INO80: variants seen among roughly 807,000 people sequenced by gnomAD.
INO80 encodes chromatin-remodeling ATPase INO80.
A neutral mutation model predicts 203.4 loss-of-function variants in INO80; 20 were observed. The observed-to-expected ratio is 0.10, with a 90% CI of 0.07 to 0.14. The LOEUF (loss-of-function observed/expected upper bound fraction) is 0.14. INO80 is among the 10% of genes least tolerant of loss of function. The probability of loss-of-function intolerance (pLI) is 1.00; values close to 1 mark genes in which losing one functional copy is unlikely to be tolerated. For synonymous variants in INO80, 726 were observed against 685.2 expected, an observed-to-expected ratio of 1.06 and a Z score of -0.93; for missense variants, 1,419 against 1,914.4, an observed-to-expected ratio of 0.74 and a Z score of 4.83.
At chr15:41,088,092 T>TTTC (rs2045587410) in intron 5 of INO80, among the ~76,000 whole-genome samples, 1 of 144,132 alleles carries the variant, frequency 6.9e-6, no homozygotes, top group African/African-American at 2.6e-5. Context: ...CTTTTCTTTT[T>TTTC]TTTTTTTTTT....
At chr15:40,997,138 A>C (rs2043891024) in intron 29 of INO80, among the ~76,000 whole-genome samples, 1 of 152,074 alleles carries the variant, frequency 6.6e-6, no homozygotes, top group Admixed American at 6.5e-5. Context: ...TTAGCTGGGC[A>C]TGGTGGCGCA....
At chr15:40,988,676 T>TAA (rs1461075845) in intron 29 of INO80, among the ~76,000 whole-genome samples, 1 of 152,134 alleles carries the variant, frequency 6.6e-6, no homozygotes, top group Non-Finnish European at 1.5e-5. Context: ...GGTCAGGAGT[T>TAA]AGAGACCAGC....
intron 29 of INO80, among the ~76,000 whole-genome samples, chr15:40,989,875 C>G (rs1441106687): frequency 1.3e-5 from 2 of 152,152 alleles, no homozygotes; most frequent in African/African-American, 2.4e-5. Flanking sequence ...TTGTGTACAC[C>G]TCTTATTGCT....
chr15:41,045,963 G>A (rs1421428221), intron 23 of INO80, among the ~76,000 whole-genome samples: 1 of 151,488 alleles, frequency 6.6e-6, no homozygotes, highest in East Asian at 1.9e-4. Flanking sequence ...TAAATCAAAA[G>A]TAATAAAATC....
At chr15:41,085,031 C>T (rs771503657) in intron 7 of INO80, among the ~76,000 whole-genome samples, 15 of 152,220 alleles carry the variant, frequency 9.9e-5, no homozygotes, top group Non-Finnish European at 1.3e-4. Flanking sequence ...CCTGCCATGC[C>T]TGGCCTCTTT....
At chr15:41,000,706 C>CAAAAAAAAAAAAAAAAAA (rs58232890) in intron 28 of INO80, among the ~76,000 whole-genome samples, 2 of 56,826 alleles carry the variant, frequency 3.5e-5, no homozygotes, top group Non-Finnish European at 7.0e-5. Context: ...CACCCTGTCT[C>CAAAAAAAAAAAAAAAAAA]AAAAAAAAAA....
At chr15:41,097,095 G>A (rs771284087) in intron 1 of INO80, among the ~76,000 whole-genome samples, 2 of 151,992 alleles carry the variant, frequency 1.3e-5, no homozygotes, top group African/African-American at 2.4e-5. Flanking sequence ...TTTCTTGTTT[G>A]TTTTTGTTTT....
rs2045715212 is a variant in INO80, at chr15:41,095,828, C to T, written c.244G>A (p.Gly82Ser). ...VKEEPPNSLL[G>S]ETSGAGSSGM... The stretch of plus-strand genomic sequence containing the variant: ...GAACTGCCTGCTCCAGAAGTTTCAC[C>T]AAGCAATGAATTTGGAGGTTCTTCC... The change falls in exon 3 of 36, where the codon GGT becomes AGT. Residue 82 changes from glycine (G) to serine (S), a missense_variant. Around this residue, in one of 9 missense-constraint regions of INO80, gnomAD observed 323 missense variants for 325.4 expected, o/e 0.99. Transcript: ENST00000648947. 6.2e-7 allele frequency: 1 copy of T among 1,613,986 alleles called. No homozygotes were observed. Among genetic ancestry groups the T allele is most frequent in the African/African-American group, 1.3e-5 (1 of 74,924 alleles).
At chr15:40,999,768 A>T (rs2043932664) in intron 28 of INO80, among the ~76,000 whole-genome samples, 2 of 152,164 alleles carry the variant, frequency 1.3e-5, no homozygotes, top group South Asian at 4.1e-4. Flanking sequence ...AGGGTATCTC[A>T]CAGGCCCAAA....
chr15:41,014,834 T>C (rs1458737633), intron 27 of INO80, among the ~76,000 whole-genome samples: 3 of 152,218 alleles, frequency 2.0e-5, no homozygotes, highest in African/African-American at 7.2e-5. Context: ...TCCTTAATGC[T>C]AGCCTTCATT....
At chr15:41,092,306 CT>C (rs1197525121) in intron 4 of INO80, 124 bp from the exon 5 acceptor site, 1 of 598,608 alleles carries the variant, frequency 1.7e-6, no homozygotes, top group East Asian at 2.8e-5. Context: ...TCCAGTTCCC[CT>C]TATGACATGC....
Position 41,070,455 on chromosome 15 carries a change from G to A in INO80, c.1686+12C>T. The A allele has an allele frequency of 3.1e-6, 5 of 1,605,714 alleles. No homozygotes were observed. Among genetic ancestry groups the A allele is most frequent in the African/African-American group, 1.3e-5 (1 of 74,854 alleles). On this transcript the variant is annotated intron_variant, in intron 13 of 35. Transcript: ENST00000648947. Reference sequence around the variant, plus strand: ...CTAGAGAAATGAAGATAGAAAGATTGCATCTACCCACCTCAGCCAGATGGG... The same window carrying A: ...CTAGAGAAATGAAGATAGAAAGATTACATCTACCCACCTCAGCCAGATGGG...
At chr15:41,103,268 A>C (rs1232253934) in intron 1 of INO80, among the ~76,000 whole-genome samples, 3 of 152,168 alleles carry the variant, frequency 2.0e-5, no homozygotes, top group Non-Finnish European at 4.4e-5. Context: ...CAGTGTTTTC[A>C]TTTAGCTTCT....
chr15:41,059,826 C>T (rs1384840609), intron 15 of INO80, 41 bp downstream of exon 15: 2 of 1,294,306 alleles, frequency 1.5e-6, no homozygotes, highest in Admixed American at 2.0e-5. Context: ...ATAATGACTG[C>T]ATGTACGGTA....
At chr15:41,078,860 G>A (rs1364369718) in intron 9 of INO80, among the ~76,000 whole-genome samples, 1 of 152,190 alleles carries the variant, frequency 6.6e-6, no homozygotes, top group Non-Finnish European at 1.5e-5. Flanking sequence ...AGTAAAGTAG[G>A]CTGGGCATGG....
chr15:41,004,968 G>T (rs1467212090), intron 28 of INO80: 2 of 152,156 alleles, frequency 1.3e-5, no homozygotes, highest in Non-Finnish European at 2.9e-5. Context: ...GTGGAAGTGG[G>T]TGGATCACTT....
At chr15:41,088,744 G>A (rs533620087) in intron 5 of INO80, among the ~76,000 whole-genome samples, 2 of 152,296 alleles carry the variant, frequency 1.3e-5, no homozygotes, top group African/African-American at 4.8e-5. Context: ...TCTGAGGACT[G>A]AAATAAGACT....
Position 41,015,626 on chromosome 15 carries a change from T to C in INO80, c.3402+462A>G, listed in dbSNP as rs543425264. Among the ~76,000 whole-genome samples the C allele has an allele frequency of 5.9e-5, 9 of 151,702 alleles. 1 individual carries two copies. The South Asian group carries it at 1.7e-3, about 28-fold the overall frequency. ...GAGCTAACTCTGCTCCCTTTATAGA[T>C]TGTAAAATCAAAAAAAGGAGTTTTG... On this transcript the variant is annotated intron_variant, in intron 27 of 35. Transcript: ENST00000648947.
chr15:41,097,193 C>G (rs983651228), intron 1 of INO80, among the ~76,000 whole-genome samples: 1 of 152,014 alleles, frequency 6.6e-6, no homozygotes, highest in African/African-American at 2.4e-5. Flanking sequence ...TTACAGGCGC[C>G]CACCACCACG....
Sources: allele counts gnomAD v4.1 joint callset (sites outside exome capture counted in the v4.1 genomes callset), GRCh38; gene constraint gnomAD v4.1.1; regional missense constraint gnomAD v4.1.1; transcripts MANE v1.5; gene names NCBI Gene and HGNC (gene_info 2026-07-23, HGNC 2026-07-21).